MRC1: variants seen among roughly 807,000 people sequenced by gnomAD.
The protein encoded by MRC1 is mannose receptor C-type 1.
In MRC1, 62 loss-of-function variants were observed where a neutral mutation model predicts 102.9. The ratio of observed to expected loss-of-function variants is 0.60; its 90% CI spans 0.49 to 0.74. The LOEUF (loss-of-function observed/expected upper bound fraction) is 0.74. Among genes scored for constraint, MRC1 ranks in the 30% least tolerant of loss-of-function variants. The pLI is 0.00. For synonymous variants in MRC1, 457 were observed against 298.4 expected (o/e 1.53, Z -5.48); for missense variants, 1,237 against 862.8 (o/e 1.43, Z -5.43).
chr10:17,855,536 C>T (rs1036007732), intron 8 of MRC1, among the ~76,000 whole-genome samples: 1 of 128,986 alleles, frequency 7.8e-6, no homozygotes, highest in Admixed American at 9.4e-5. Flanking sequence ...AGAGCCACTG[C>T]ACTCCAGCCT....
chr10:17,839,188 C>T (rs1838713267), intron 4 of MRC1, among the ~76,000 whole-genome samples: 1 of 152,088 alleles, frequency 6.6e-6, no homozygotes, highest in Non-Finnish European at 1.5e-5. Flanking sequence ...GTACTTAGAG[C>T]TGGTAAAAGA....
intron 1 of MRC1, among the ~76,000 whole-genome samples, chr10:17,818,297 C>T (rs1182892743): frequency 2.6e-5 from 4 of 152,168 alleles, no homozygotes; most frequent in Non-Finnish European, 5.9e-5. Context: ...ATTCATTCAA[C>T]TAATTATTTG....
At chr10:17,900,081 A>G (rs1267663226) in intron 24 of MRC1, among the ~76,000 whole-genome samples, 5 of 146,846 alleles carry the variant, frequency 3.4e-5, no homozygotes, top group African/African-American at 1.3e-4. Flanking sequence ...CTGGGGGACA[A>G]GAGCGAGACT....
intron 26 of MRC1, among the ~76,000 whole-genome samples, chr10:17,905,971 A>C (rs965771868): frequency 1.4e-4 from 21 of 152,330 alleles, no homozygotes; most frequent in African/African-American, 5.1e-4. Context: ...AAAAGATATT[A>C]GTTATTATTA....
chr10:17,907,009 G>T lies in MRC1; in HGVS notation c.3913+10G>T. The T allele has an allele frequency of 2.6e-6, 2 of 780,558 alleles. No individual in the cohort carries two copies. The highest frequency in any genetic ancestry group is 1.7e-5 in the Admixed American group (1 of 58,970). The allele number at this position is 780,558 out of a possible 1,614,324, so 48.4% of individuals were successfully genotyped here. ...TTCAGAAATGTTGAAGGTAATTTTT[G>T]CAGCATGCTTATTTAATCACAAATA... On this transcript the variant is annotated intron_variant, in intron 27 of 29. Transcript: ENST00000569591.
intron 21 of MRC1, among the ~76,000 whole-genome samples, chr10:17,881,876 G>A (rs1356926644): frequency 8.9e-6 from 1 of 112,146 alleles, no homozygotes; most frequent in Non-Finnish European, 1.7e-5. Context: ...TAGAGATAGA[G>A]TCTCACTATG....
intron 4 of MRC1, among the ~76,000 whole-genome samples, chr10:17,840,059 C>A (rs1206993311): frequency 1.0e-5 from 1 of 98,348 alleles, no homozygotes; most frequent in African/African-American, 4.7e-5. Flanking sequence ...GTGCAAGACT[C>A]CAACTCAAAA....
At chr10:17,833,627 G>T in intron 3 of MRC1, 48 bp from the exon 4 acceptor site, 1 of 780,790 alleles carries the variant, frequency 1.3e-6, no homozygotes, top group South Asian at 1.3e-5. Flanking sequence ...TTCACTGGAA[G>T]TGTTTTCTAT....
At position 17,827,565 on chromosome 10, in the gene MRC1, G is replaced by A; in HGVS notation, c.487G>A (p.Ala163Thr). The A allele has an allele frequency of 2.6e-6, 2 of 780,780 alleles. No homozygotes were observed. The highest frequency in any genetic ancestry group is 2.4e-5 in the East Asian group (1 of 41,252). The allele number at this position is 780,780 out of a possible 1,614,324, so 48.4% of individuals were successfully genotyped here. ...YEAMYTLLGN[A>T]NGATCAFPFK... ...AGCCATGTATACGCTACTAGGCAAT[G>A]CCAATGGAGCAACCTGTGCATTCCC... Residue 163 changes from alanine (A) to threonine (T), a missense_variant, in exon 3 of 30, where the codon GCC becomes ACC. Ala to Thr is a moderately conservative substitution (Grantham distance 58). Coordinates refer to ENST00000569591, the MANE Select transcript of MRC1 (RefSeq NM_002438.4).
chr10:17,894,394 C>CTTTCTT (rs1554843324), intron 23 of MRC1, 82 bp downstream of exon 23: 7 of 406,292 alleles, frequency 1.7e-5, no homozygotes, highest in African/African-American at 6.9e-5. Flanking sequence ...TTCTTTCTTT[C>CTTTCTT]TTTTTTTTTT....
intron 1 of MRC1, among the ~76,000 whole-genome samples, chr10:17,821,226 C>T (rs1360759365): frequency 6.6e-6 from 1 of 151,998 alleles, no homozygotes; most frequent in Non-Finnish European, 1.5e-5. Context: ...ATAGAGGCAG[C>T]GAGAGTAAGT....
At chr10:17,899,444 A>G (rs972022125) in intron 24 of MRC1, among the ~76,000 whole-genome samples, 2 of 152,188 alleles carry the variant, frequency 1.3e-5, no homozygotes. Context: ...AATATTTATG[A>G]CTACAACAGT....
At chr10:17,903,392 C>CTTTTTTT (rs35118275) in intron 26 of MRC1, among the ~76,000 whole-genome samples, 28 of 88,844 alleles carry the variant, frequency 3.2e-4, no homozygotes, top group Non-Finnish European at 4.0e-4. Context: ...CTTTTTTTTT[C>CTTTTTTT]TTTTTTTTTT....
chr10:17,847,920 T>TTTC (rs1353176599), intron 6 of MRC1, among the ~76,000 whole-genome samples: 2 of 59,064 alleles, frequency 3.4e-5, no homozygotes, highest in Non-Finnish European at 3.1e-5. Flanking sequence ...TCTTTTTCTT[T>TTTC]TTCTTCTTTT....
At chr10:17,870,721 A>C (rs1833343141) in intron 13 of MRC1, 127 bp from the exon 14 acceptor site, 2 of 776,454 alleles carry the variant, frequency 2.6e-6, no homozygotes, top group Non-Finnish European at 4.8e-6. Context: ...TTAGCTGTTA[A>C]ATCTCTTTAC....
chr10:17,863,711 C>T (rs1470772090), intron 11 of MRC1, 29 bp downstream of exon 11: 2 of 778,700 alleles, frequency 2.6e-6, no homozygotes, highest in African/African-American at 3.4e-5. Context: ...TTGAGGGTTG[C>T]TTTCACCCTA....
At chr10:17,842,453 A>G (rs902731228) in intron 5 of MRC1, among the ~76,000 whole-genome samples, 16 of 152,326 alleles carry the variant, frequency 1.1e-4, no homozygotes, top group African/African-American at 3.8e-4. Flanking sequence ...CAGTGCTGTC[A>G]CTCAAGTCTT....
At chr10:17,903,970 T>A (rs1458977145) in intron 26 of MRC1, among the ~76,000 whole-genome samples, 1 of 151,942 alleles carries the variant, frequency 6.6e-6, no homozygotes, top group African/African-American at 2.4e-5. Flanking sequence ...GAAAAAAATC[T>A]GGTTCATATT....
At chr10:17,814,858 T>TG in intron 1 of MRC1, among the ~76,000 whole-genome samples, 1 of 151,610 alleles carries the variant, frequency 6.6e-6, no homozygotes, top group Non-Finnish European at 1.5e-5. Flanking sequence ...AGAGACGGGA[T>TG]TTGGTCATGC....
Sources: allele counts gnomAD v4.1 joint callset (sites outside exome capture counted in the v4.1 genomes callset), GRCh38; gene constraint gnomAD v4.1.1; transcripts MANE v1.5; gene names NCBI Gene and HGNC (gene_info 2026-07-23, HGNC 2026-07-21).